TTLL9: variants seen among roughly 807,000 people sequenced by gnomAD.
TTLL9 encodes tubulin tyrosine ligase like 9.
In TTLL9, 47 loss-of-function variants were observed where a neutral mutation model predicts 65.6. The ratio of observed to expected loss-of-function variants is 0.72; its 90% CI spans 0.57 to 0.91. The LOEUF (loss-of-function observed/expected upper bound fraction) is 0.91, where lower values mean the gene tolerates loss of function less well. Among genes scored for constraint, TTLL9 ranks in the 40% least tolerant of loss-of-function variants. The pLI, the probability that TTLL9 is intolerant of heterozygous loss-of-function variation, is 0.00. For synonymous variants in TTLL9, 179 were observed against 204.8 expected, an observed-to-expected ratio of 0.87 and a Z score of 1.07; for missense variants, 537 against 568.8, an observed-to-expected ratio of 0.94 and a Z score of 0.57.
intron 13 of TTLL9, chr20:31,938,146 T>C (rs2064148993): frequency 2.3e-6 from 1 of 439,630 alleles, no homozygotes; most frequent in Admixed American, 2.5e-5. Context: ...CCCTTCTCTT[T>C]CCTCTGTATT....
intron 7 of TTLL9, 81 bp downstream of exon 7, chr20:31,920,013 A>C: frequency 7.8e-7 from 1 of 1,277,744 alleles, no homozygotes; most frequent in Non-Finnish European, 1.1e-6. Flanking sequence ...CCTGCAATCA[A>C]AGCTCAGAGG....
intron 4 of TTLL9, among the ~76,000 whole-genome samples, chr20:31,899,557 C>T (rs887999193): frequency 9.9e-5 from 15 of 151,862 alleles, no homozygotes; most frequent in Admixed American, 2.6e-4. Context: ...TTGCTTGAGC[C>T]GAAGAGGTCG....
In TTLL9 at chr20:31,942,956, G is replaced by C. The variant is rs867356805; in HGVS notation, c.1255G>C (p.Asp419His). ...VTNTHLGCVN[D>H]RKKQLRQLFC... is the part of the protein sequence containing the mutation. ...CACTTCCTTTCCAGGCTGCGTCAACGATCGGAAGAAACAACTGAGGCAGCT... is the reference window on the plus strand; with the variant it reads ...CACTTCCTTTCCAGGCTGCGTCAACCATCGGAAGAAACAACTGAGGCAGCT... The change falls in exon 15 of 15, where the codon GAT becomes CAT. Residue 419 changes from aspartate to histidine, a missense_variant. Physicochemically the swap from Asp to His is moderately conservative, Grantham distance 81 (BLOSUM62 -1). Coordinates refer to ENST00000535842, the MANE Select transcript of TTLL9 (RefSeq NM_001008409.5). The C allele has an allele frequency of 1.2e-6, 2 of 1,614,068 alleles. No homozygotes were observed. The highest frequency in any genetic ancestry group is 8.5e-7 in the Non-Finnish European group (1 of 1,180,010).
chr20:31,927,480 CAAAAAAAAAAAAAA>C (rs777895091), intron 10 of TTLL9, among the ~76,000 whole-genome samples: 2 of 54,198 alleles, frequency 3.7e-5, no homozygotes, highest in Non-Finnish European at 6.6e-5. Context: ...GACTCTGTCT[CAAAAAAAAAAAAAA>C]AAAAAAAAAA....
rs887257645 is a variant in TTLL9 at position 31,896,589 on chromosome 20, G to A, written c.114-1884G>A. ...CTGTCGCCCACACTGGAGTGCAGTG[G>A]TGCTATCTCGGCTCACTGCAACCTC... On this transcript the variant is annotated intron_variant, in intron 3 of 14. Coordinates refer to ENST00000535842, the MANE Select transcript of TTLL9 (RefSeq NM_001008409.5). Among the ~76,000 whole-genome samples, 4 of 152,108 alleles carry A rather than the reference G, an allele frequency of 2.6e-5. No homozygotes were observed. The East Asian group carries it at 5.8e-4, about 22-fold the overall frequency.
At chr20:31,926,744 T>C (rs1403497707) in intron 10 of TTLL9, among the ~76,000 whole-genome samples, 1 of 152,196 alleles carries the variant, frequency 6.6e-6, no homozygotes, top group African/African-American at 2.4e-5. Context: ...TTCCAAGATA[T>C]ATTGTTAATT....
chr20:31,928,609 A>C (rs1302902942), intron 10 of TTLL9, among the ~76,000 whole-genome samples: 1 of 152,052 alleles, frequency 6.6e-6, no homozygotes, highest in Admixed American at 6.6e-5. Context: ...ATATAATAGT[A>C]TACAGTCATC....
chr20:31,899,841 T>C (rs566012570), intron 4 of TTLL9, among the ~76,000 whole-genome samples: 17 of 151,848 alleles, frequency 1.1e-4, no homozygotes, highest in African/African-American at 4.1e-4. Context: ...CTCGGCTCAC[T>C]GCAAGCTCCA....
intron 3 of TTLL9, among the ~76,000 whole-genome samples, chr20:31,896,041 T>C (rs1399144670): frequency 6.6e-6 from 1 of 152,020 alleles, no homozygotes; most frequent in African/African-American, 2.4e-5. Flanking sequence ...GGTTTCACCA[T>C]GTTGTCCAGG....
intron 6 of TTLL9, among the ~76,000 whole-genome samples, chr20:31,916,010 A>G (rs930487889): frequency 6.6e-6 from 1 of 152,134 alleles, no homozygotes; most frequent in African/African-American, 2.4e-5. Context: ...TCCAGCATCC[A>G]CTGAGGGCTG....
chr20:31,913,650 G>A (rs2063689171), intron 6 of TTLL9, among the ~76,000 whole-genome samples: 8 of 152,180 alleles, frequency 5.3e-5, no homozygotes, highest in Admixed American at 4.6e-4. Context: ...ACTCAGAAGG[G>A]AGCAGGCAGC....
chr20:31,909,692 G>T, intron 5 of TTLL9, 45 bp from the exon 6 acceptor site: 1 of 1,589,606 alleles, frequency 6.3e-7, no homozygotes, highest in Non-Finnish European at 8.6e-7. Context: ...GGGGAGCGGG[G>T]CTGTGAGCAG....
chr20:31,875,894 G>T lies in TTLL9; in HGVS notation c.69+4699G>T, dbSNP rs6061010. 2.0e-4 allele frequency among the ~76,000 whole-genome samples: 31 copies of T among 152,176 alleles called. 1 individual carries two copies. The highest frequency in any genetic ancestry group is 7.2e-4 in the African/African-American group (30 of 41,518). ...AAATTTAGTGCATATGTTTTGACAC[G>T]CAGGGATACTCACCACTATACTCAC... On this transcript the variant is annotated intron_variant, in intron 2 of 14. Transcript: ENST00000535842.
rs758588937 is a variant in TTLL9 at position 31,937,402 on chromosome 20, C to G, written c.1011C>G (p.Leu337=). The G allele has an allele frequency of 1.2e-6, 2 of 1,613,434 alleles. No homozygotes were observed. The highest frequency in any genetic ancestry group is 1.3e-5 in the African/African-American group (1 of 74,874). Residue 337 remains leucine (L), a synonymous_variant, in exon 13 of 15, where the codon CTC becomes CTG. Transcript: ENST00000535842. ...TACTCCCCTCCCTTCCCAGGTGGCTCCTGGAGGTCAATGCGTCCCCATCAC... is the reference window on the plus strand; with the variant it reads ...TACTCCCCTCCCTTCCCAGGTGGCTGCTGGAGGTCAATGCGTCCCCATCAC... ...ILIDQDLKPW[L]LEVNASPSLT...
intron 3 of TTLL9, among the ~76,000 whole-genome samples, chr20:31,896,399 A>C (rs942707530): frequency 2.6e-5 from 4 of 152,218 alleles, no homozygotes; most frequent in Non-Finnish European, 5.9e-5. Context: ...CAAGTTGATG[A>C]AGTTCCTCTC....
chr20:31,900,782 A>C (rs1471688366), intron 4 of TTLL9, among the ~76,000 whole-genome samples: 1 of 152,116 alleles, frequency 6.6e-6, no homozygotes, highest in Non-Finnish European at 1.5e-5. Flanking sequence ...GGTGACTAGC[A>C]GGTGGGGGTG....
At chr20:31,937,648 GA>G in intron 13 of TTLL9, 139 bp downstream of exon 13, 1 of 635,476 alleles carries the variant, frequency 1.6e-6, no homozygotes, top group South Asian at 1.9e-5. Flanking sequence ...TTTATAGATG[GA>G]GAAGCTGAGA....
Position 31,926,063 on chromosome 20 carries a change from C to A in TTLL9, c.720C>A (p.Cys240Ter). The change falls in exon 10 of 15, where the codon TGC (cysteine) becomes TGA (stop). Residue 240 changes from cysteine to a stop codon, truncating the protein, a stop_gained. Transcript: ENST00000535842. LOFTEE classifies it high-confidence loss of function. ...TTGTCCCACAGGTGTTTGCTGAATG[C>A]CTGCTGTGGTCTGGGCACAGGAGAC... ...YVLVMSVFAE[C>*]LLWSGHRRQD... 4 of 1,613,102 alleles carry A rather than the reference C, an allele frequency of 2.5e-6. No homozygotes were observed. The highest frequency in any genetic ancestry group is 3.4e-6 in the Non-Finnish European group (4 of 1,179,212).
intron 6 of TTLL9, among the ~76,000 whole-genome samples, chr20:31,918,902 G>A (rs879283168): frequency 6.6e-6 from 1 of 152,240 alleles, no homozygotes; most frequent in Admixed American, 6.5e-5. Flanking sequence ...GCACAGCATG[G>A]CAGGCAGAGC....
Sources: allele counts gnomAD v4.1 joint callset (sites outside exome capture counted in the v4.1 genomes callset), GRCh38; gene constraint gnomAD v4.1.1; transcripts MANE v1.5; gene names NCBI Gene and HGNC (gene_info 2026-07-23, HGNC 2026-07-21).